The following ARHGAP44 variants were observed in gnomAD, a reference collection of about 807,000 sequenced individuals.
The protein encoded by ARHGAP44 is rho GTPase-activating protein 44.
ARHGAP44 carries 43 observed loss-of-function variants against 106.8 expected under a neutral mutation model. The ratio of observed to expected loss-of-function variants is 0.40; its 90% CI spans 0.32 to 0.52. ARHGAP44 has a LOEUF of 0.52. Ranked by LOEUF, ARHGAP44 falls within the 20% of genes least tolerant of loss-of-function variation. ARHGAP44 has a pLI of 0.48. For synonymous variants in ARHGAP44, 439 were observed against 410.3 expected, an observed-to-expected ratio of 1.07 and a Z score of -0.85; for missense variants, 866 against 1,050.5, an observed-to-expected ratio of 0.82 and a Z score of 2.43.
chr17:12,982,923 C>T (rs2039867357), intron 19 of ARHGAP44: 1 of 152,242 alleles, frequency 6.6e-6, no homozygotes, highest in Non-Finnish European at 1.5e-5. Context: ...GAAGGAAGAG[C>T]TTCTGACCTC....
At chr17:12,804,971 T>C (rs551535997) in intron 1 of ARHGAP44, among the ~76,000 whole-genome samples, 1 of 152,308 alleles carries the variant, frequency 6.6e-6, no homozygotes, top group African/African-American at 2.4e-5. Flanking sequence ...GTCCACTATA[T>C]CTGCTATGTT....
chr17:12,962,940 G>T (rs1029578211), intron 16 of ARHGAP44, among the ~76,000 whole-genome samples: 8 of 151,396 alleles, frequency 5.3e-5, no homozygotes, highest in African/African-American at 1.9e-4. Context: ...AGCTACTTGG[G>T]AGGCTGAGGC....
Position 12,970,143 on chromosome 17 carries a change from T to A in ARHGAP44, c.1524-3159T>A, listed in dbSNP as rs1016131700. On this transcript the variant is annotated intron_variant, in intron 16 of 20. Transcript: ENST00000379672. ...AATTCTGGATTCCCTGCCCCTTGTC[T>A]TCTTACTCTGAGAGAGAGCAGTGGT... Among the ~76,000 whole-genome samples the A allele has an allele frequency of 2.0e-5, 3 of 152,042 alleles. No homozygotes were observed. In the East Asian group the frequency reaches 5.8e-4, roughly 29 times the overall value.
intron 16 of ARHGAP44, among the ~76,000 whole-genome samples, chr17:12,963,731 C>CACCAGT (rs1385080977): frequency 6.6e-6 from 1 of 152,006 alleles, no homozygotes; most frequent in South Asian, 2.1e-4. Flanking sequence ...GCCGGCCTTG[C>CACCAGT]GAAGCCCTGC....
chr17:12,838,091 C>T (rs1296496874), intron 1 of ARHGAP44, among the ~76,000 whole-genome samples: 4 of 152,084 alleles, frequency 2.6e-5, no homozygotes, highest in African/African-American at 9.7e-5. Context: ...TTCATTTCTT[C>T]ATCGTTGTAA....
chr17:12,826,735 T>C (rs896809378), intron 1 of ARHGAP44, among the ~76,000 whole-genome samples: 1 of 152,240 alleles, frequency 6.6e-6, no homozygotes, highest in African/African-American at 2.4e-5. Context: ...CCTAGTCTGT[T>C]ACAAGATTCT....
At chr17:12,983,350 A>C (rs1238882411) in intron 19 of ARHGAP44, among the ~76,000 whole-genome samples, 2 of 151,988 alleles carry the variant, frequency 1.3e-5, no homozygotes, top group African/African-American at 2.4e-5. Context: ...CACTCTCTCA[A>C]GATATTTGCC....
chr17:12,887,485 C>G (rs2036916284), intron 1 of ARHGAP44, among the ~76,000 whole-genome samples: 1 of 152,142 alleles, frequency 6.6e-6, no homozygotes, highest in Non-Finnish European at 1.5e-5. Context: ...AAGTGATCCT[C>G]CACCTTGGCC....
intron 20 of ARHGAP44, chr17:12,987,308 C>G (rs547255080): frequency 3.3e-6 from 2 of 608,216 alleles, no homozygotes; most frequent in African/African-American, 3.7e-5. Flanking sequence ...ATGAGTTGAT[C>G]CATGAGCTTA....
intron 1 of ARHGAP44, among the ~76,000 whole-genome samples, chr17:12,888,649 T>A (rs1248901762): frequency 6.6e-6 from 1 of 152,232 alleles, no homozygotes; most frequent in Non-Finnish European, 1.5e-5. Context: ...TGCTGATTTT[T>A]AAAATTTAGT....
intron 1 of ARHGAP44, among the ~76,000 whole-genome samples, chr17:12,874,787 A>G (rs1436060487): frequency 6.7e-6 from 1 of 149,106 alleles, no homozygotes; most frequent in Non-Finnish European, 1.5e-5. Context: ...CTCCATTTTA[A>G]TAAGCAAGTG....
chr17:12,950,733 G>A (rs113211142), intron 12 of ARHGAP44, among the ~76,000 whole-genome samples: 14 of 152,290 alleles, frequency 9.2e-5, no homozygotes, highest in African/African-American at 2.9e-4. Flanking sequence ...GGAGATGAAG[G>A]AGGGAGAAGA....
intron 18 of ARHGAP44, 69 bp downstream of exon 18, chr17:12,974,379 T>G (rs955917810): frequency 8.0e-7 from 1 of 1,248,612 alleles, no homozygotes; most frequent in African/African-American, 1.6e-5. Context: ...TTGGCCGCAC[T>G]GGAGGCCTCT....
chr17:12,854,958 C>CAAAAAAAA (rs1182512832), intron 1 of ARHGAP44, among the ~76,000 whole-genome samples: 7 of 50,918 alleles, frequency 1.4e-4, no homozygotes, highest in East Asian at 6.8e-4. Context: ...AACTCTGTCT[C>CAAAAAAAA]AAAAAAAAAA....
chr17:12,849,441 G>GTGGC (rs1250287042), intron 1 of ARHGAP44, among the ~76,000 whole-genome samples: 1 of 151,988 alleles, frequency 6.6e-6, no homozygotes, highest in African/African-American at 2.4e-5. Flanking sequence ...TTGTAACCTT[G>GTGGC]TGGCTGGGCT....
At chr17:12,887,842 A>G (rs1015516539) in intron 1 of ARHGAP44, among the ~76,000 whole-genome samples, 5 of 150,646 alleles carry the variant, frequency 3.3e-5, no homozygotes, top group African/African-American at 1.2e-4. Context: ...TCTATTTCAT[A>G]TTATGTGTAT....
intron 20 of ARHGAP44, chr17:12,987,340 G>A: frequency 4.0e-6 from 2 of 505,742 alleles, no homozygotes; most frequent in South Asian, 7.5e-5. Context: ...GGCATCCCTG[G>A]CCTCCTTTTC....
rs572328205 is a variant in ARHGAP44 at position 12,839,434 on chromosome 17, A to T, written c.53+49543A>T. ...AATGAACTCTAATTTGTTTAAAATG[A>T]TCTCTTCTTGAATTACTACAAACGG... is the stretch of plus-strand genomic sequence containing the variant. On this transcript the variant is annotated intron_variant, in intron 1 of 20. Transcript: ENST00000379672. 5.9e-5 allele frequency among the ~76,000 whole-genome samples: 9 copies of T among 152,340 alleles called. No individual in the cohort carries two copies. In the South Asian group the frequency reaches 8.3e-4, roughly 14 times the overall value.
At chr17:12,944,227 G>C in intron 10 of ARHGAP44, 31 bp downstream of exon 10, 2 of 1,563,216 alleles carry the variant, frequency 1.3e-6, no homozygotes, top group Non-Finnish European at 1.7e-6. Flanking sequence ...ACGCCGCCCC[G>C]GGCAGGTCTC....
Sources: allele counts gnomAD v4.1 joint callset (sites outside exome capture counted in the v4.1 genomes callset), GRCh38; gene constraint gnomAD v4.1.1; transcripts MANE v1.5; gene names NCBI Gene and HGNC (gene_info 2026-07-23, HGNC 2026-07-21).